Variants in CSMD1 observed in about 807,000 individuals in gnomAD.
CSMD1 encodes CUB and Sushi multiple domains 1.
In CSMD1, 213 loss-of-function variants were observed where a neutral mutation model predicts 417.5. The ratio of observed to expected loss-of-function variants is 0.51; its 90% confidence interval spans 0.46 to 0.57. The LOEUF (loss-of-function observed/expected upper bound fraction) is 0.57. Ranked by LOEUF, CSMD1 falls within the 20% of genes least tolerant of loss-of-function variation. The probability of loss-of-function intolerance (pLI) is 0.00; values close to 1 mark genes in which losing one functional copy is unlikely to be tolerated. For missense variants in CSMD1, 6,923 were observed against 4,529.7 expected, an observed-to-expected ratio of 1.53 and a Z score of -15.17; for synonymous variants, 2,862 against 1,736.8, an observed-to-expected ratio of 1.65 and a Z score of -16.11.
At chr8:3,892,402 A>T (rs941219790) in intron 5 of CSMD1, among the ~76,000 whole-genome samples, 3 of 152,134 alleles carry the variant, frequency 2.0e-5, no homozygotes, top group African/African-American at 7.2e-5. Context: ...TACACAGATC[A>T]TCAAGGAGAA....
At chr8:3,418,325 G>C (rs1036707191) in intron 12 of CSMD1, among the ~76,000 whole-genome samples, 1 of 152,098 alleles carries the variant, frequency 6.6e-6, no homozygotes, top group African/African-American at 2.4e-5. Context: ...GACCATGAGA[G>C]TATAGATTTT....
intron 5 of CSMD1, among the ~76,000 whole-genome samples, chr8:3,826,340 T>C (rs1353951741): frequency 1.3e-5 from 2 of 152,044 alleles, no homozygotes; most frequent in African/African-American, 2.4e-5. Context: ...GCTAAAAGAA[T>C]GTTTGGGTTT....
intron 5 of CSMD1, among the ~76,000 whole-genome samples, chr8:3,892,071 T>C (rs747672852): frequency 2.0e-5 from 3 of 152,076 alleles, no homozygotes; most frequent in African/African-American, 7.2e-5. Flanking sequence ...TAAGGTTCAT[T>C]GTGTGTGTGC....
intron 3 of CSMD1, among the ~76,000 whole-genome samples, chr8:4,037,055 G>T (rs1427104800): frequency 4.0e-5 from 6 of 151,852 alleles, no homozygotes; most frequent in African/African-American, 9.7e-5. Flanking sequence ...ACCCGGAGCT[G>T]CTGAGACAGC....
chr8:4,053,592 C>T (rs979831947), intron 3 of CSMD1, among the ~76,000 whole-genome samples: 1 of 152,148 alleles, frequency 6.6e-6, no homozygotes, highest in African/African-American at 2.4e-5. Context: ...CTGCTCTTAG[C>T]AACCTCTGAT....
chr8:3,394,023 TATATA>T (rs1563342341), intron 17 of CSMD1, among the ~76,000 whole-genome samples: 1,434 of 96,092 alleles, frequency 0.015, 77 homozygotes, highest in East Asian at 0.047. Context: ...TATATATATA[TATATA>T]TATATATATA....
chr8:3,179,026 C>T (rs527907712), intron 37 of CSMD1, among the ~76,000 whole-genome samples: 11 of 150,708 alleles, frequency 7.3e-5, no homozygotes, highest in Admixed American at 3.3e-4. Flanking sequence ...TGGCTCACTG[C>T]AAGCTCTGCC....
chr8:3,776,235 G>A (rs999036118), intron 5 of CSMD1, among the ~76,000 whole-genome samples: 4 of 152,144 alleles, frequency 2.6e-5, no homozygotes, highest in Non-Finnish European at 4.4e-5. Context: ...CCGGATGGAG[G>A]TCACAGCCTC....
At chr8:4,038,285 T>A (rs961640521) in intron 3 of CSMD1, among the ~76,000 whole-genome samples, 13 of 152,168 alleles carry the variant, frequency 8.5e-5, no homozygotes, top group African/African-American at 2.7e-4. Context: ...AATATTTTCT[T>A]CTAGTTTCAA....
At chr8:4,294,227 C>T (rs1425717049) in intron 3 of CSMD1, among the ~76,000 whole-genome samples, 2 of 152,184 alleles carry the variant, frequency 1.3e-5, no homozygotes, top group African/African-American at 2.4e-5. Flanking sequence ...AGAAACTGAA[C>T]ATCTCTGAAT....
intron 1 of CSMD1, among the ~76,000 whole-genome samples, chr8:4,863,897 A>C (rs1362211304): frequency 3.3e-5 from 5 of 151,994 alleles, no homozygotes; most frequent in African/African-American, 1.2e-4. Flanking sequence ...AATTAAATTA[A>C]AAGCAAAAAG....
intron 26 of CSMD1, among the ~76,000 whole-genome samples, chr8:3,259,675 C>T (rs1487733088): frequency 6.6e-6 from 1 of 152,092 alleles, no homozygotes; most frequent in Non-Finnish European, 1.5e-5. Context: ...TCTACCCCAT[C>T]CTGAAATTTA....
intron 1 of CSMD1, among the ~76,000 whole-genome samples, chr8:4,834,380 G>C (rs888631070): frequency 1.3e-5 from 2 of 152,098 alleles, no homozygotes; most frequent in African/African-American, 4.8e-5. Flanking sequence ...CGTTAGGAGA[G>C]ATATAAGCAA....
chr8:4,289,998 G>C (rs1052971038), intron 3 of CSMD1, among the ~76,000 whole-genome samples: 9 of 152,188 alleles, frequency 5.9e-5, no homozygotes, highest in Admixed American at 2.0e-4. Context: ...TAAGGAATGT[G>C]TTATGTGCTA....
At chr8:3,846,719 G>C (rs893541138) in intron 5 of CSMD1, among the ~76,000 whole-genome samples, 10 of 152,116 alleles carry the variant, frequency 6.6e-5, no homozygotes, top group African/African-American at 2.4e-4. Flanking sequence ...GTGCAGTGGT[G>C]CAACCTTGAC....
At chr8:3,751,531 T>C (rs1797343183) in intron 6 of CSMD1, among the ~76,000 whole-genome samples, 3 of 149,860 alleles carry the variant, frequency 2.0e-5, no homozygotes, top group South Asian at 4.2e-4. Flanking sequence ...TTCTATAATA[T>C]ATACAAGAAT....
intron 2 of CSMD1, among the ~76,000 whole-genome samples, chr8:4,446,414 G>T (rs1798791824): frequency 6.6e-6 from 1 of 152,108 alleles, no homozygotes; most frequent in South Asian, 2.1e-4. Flanking sequence ...CATGGGTGGT[G>T]GTGCACACCT....
chr8:4,443,298 G>C (rs935261318), intron 2 of CSMD1, among the ~76,000 whole-genome samples: 3 of 152,074 alleles, frequency 2.0e-5, no homozygotes, highest in African/African-American at 4.8e-5. Context: ...GTATTCGCTA[G>C]AAAATAAACT....
intron 5 of CSMD1, among the ~76,000 whole-genome samples, chr8:3,800,996 G>C (rs891703699): frequency 4.0e-5 from 6 of 151,668 alleles, no homozygotes; most frequent in Non-Finnish European, 8.8e-5. Context: ...AAATTTCATA[G>C]CTAAAATCAT....
Sources: allele counts gnomAD v4.1 joint callset (sites outside exome capture counted in the v4.1 genomes callset), GRCh38; gene constraint gnomAD v4.1.1; transcripts MANE v1.5; gene names NCBI Gene and HGNC (gene_info 2026-07-23, HGNC 2026-07-21).